The following PIK3CB variants were observed in gnomAD, a reference collection of about 807,000 sequenced individuals.
The protein encoded by PIK3CB is phosphatidylinositol 4,5-bisphosphate 3-kinase catalytic subunit beta isoform.
A neutral mutation model predicts 136.8 loss-of-function variants in PIK3CB; 39 were observed. That is an observed-to-expected ratio of 0.29 (90% CI 0.22 to 0.37). The LOEUF is 0.37. PIK3CB is among the 10% of genes least tolerant of loss of function. PIK3CB has a pLI of 1.00. For missense variants in PIK3CB, 868 were observed against 1,275.4 expected (o/e 0.68, Z 4.87); for synonymous variants, 428 against 436.6 (o/e 0.98, Z 0.25).
intron 6 of PIK3CB, among the ~76,000 whole-genome samples, chr3:138,735,676 T>G (rs1450121231): frequency 6.6e-6 from 1 of 152,090 alleles, no homozygotes; most frequent in African/African-American, 2.4e-5. Flanking sequence ...CAGAGGCATA[T>G]AAGAAAAGGG....
chr3:138,669,866 G>A (rs753394302), intron 19 of PIK3CB, among the ~76,000 whole-genome samples: 1 of 151,802 alleles, frequency 6.6e-6, no homozygotes, highest in Non-Finnish European at 1.5e-5. Context: ...TAAACAGCTG[G>A]CCGAAAGAAA....
chr3:138,667,795 G>A lies in PIK3CB; in HGVS notation c.2505-2592C>T, dbSNP rs949415900. On this transcript the variant is annotated intron_variant, in intron 19 of 23. Transcript: ENST00000674063. ...TTAAAAGCACTTTTCATCCGGGCAC[G>A]GTGGCTCATGCCTGTAATCCCAGCA... 4.0e-5 allele frequency among the ~76,000 whole-genome samples: 6 copies of A among 151,788 alleles called. No individual in the cohort carries two copies. In the East Asian group the frequency reaches 5.9e-4, roughly 15 times the overall value.
In PIK3CB at chr3:138,653,365, G is replaced by C. The variant is rs2043146252; in HGVS notation, c.*2024C>G. ...TGGTCACGTTACTTAACCCTTCAAA[G>C]AAAACAGGAAAGATACAATTTGGTG... is the stretch of plus-strand genomic sequence containing the variant. On this transcript the variant is annotated 3_prime_UTR_variant, in exon 24 of 24. Transcript: ENST00000674063. 5.7e-6 allele frequency: 1 copy of C among 174,730 alleles called. No homozygotes were observed. Among genetic ancestry groups the C allele is most frequent in the South Asian group, 2.0e-4 (1 of 5,002 alleles). 10.8% of individuals were successfully genotyped at this position (174,730 alleles called of 1,614,324 possible).
intron 16 of PIK3CB, among the ~76,000 whole-genome samples, chr3:138,685,895 G>A (rs1401137633): frequency 6.6e-6 from 1 of 152,164 alleles, no homozygotes; most frequent in African/African-American, 2.4e-5. Flanking sequence ...CCAGCACTTT[G>A]GGAAACTGAG....
Position 138,688,442 on chromosome 3 carries a change from A to G in PIK3CB, c.2136+433T>C, listed in dbSNP as rs140490545. Among the ~76,000 whole-genome samples, 1,280 of 138,130 alleles carry G rather than the reference A, an allele frequency of 9.3e-3. 28 individuals are homozygous for G. The highest frequency in any genetic ancestry group is 0.031 in the African/African-American group (1,153 of 37,122). 90.6% of individuals were successfully genotyped at this position (138,130 alleles called of 152,430 possible). ...CTTGAACCCGGGAGGCGGAGGTCGC[A>G]GTGAGCCAAGATAGTGCCATTGCAC... On this transcript the variant is annotated intron_variant, in intron 16 of 23. Transcript: ENST00000674063.
intron 3 of PIK3CB, among the ~76,000 whole-genome samples, chr3:138,758,209 A>G (rs1369068403): frequency 6.6e-6 from 1 of 152,244 alleles, no homozygotes; most frequent in Non-Finnish European, 1.5e-5. Flanking sequence ...AAGAATAGGC[A>G]AACTGGTAGA....
At chr3:138,782,522 A>G (rs1278488695) in intron 2 of PIK3CB, among the ~76,000 whole-genome samples, 2 of 152,222 alleles carry the variant, frequency 1.3e-5, no homozygotes, top group Non-Finnish European at 2.9e-5. Context: ...TCACTATGGC[A>G]GAGACTAATT....
chr3:138,732,167 T>C (rs1460630076), intron 8 of PIK3CB, among the ~76,000 whole-genome samples: 2 of 152,194 alleles, frequency 1.3e-5, no homozygotes, highest in Non-Finnish European at 2.9e-5. Context: ...CACACACACT[T>C]TTCTTTTCTG....
chr3:138,757,391 A>G (rs1209725158), intron 3 of PIK3CB, among the ~76,000 whole-genome samples: 1 of 151,788 alleles, frequency 6.6e-6, no homozygotes, highest in African/African-American at 2.4e-5. Context: ...CGACAGAGCG[A>G]GACTCCGTCT....
intron 22 of PIK3CB, 42 bp downstream of exon 22, chr3:138,657,648 A>AATGTTAGAAGTGTTC: frequency 6.4e-7 from 1 of 1,566,482 alleles, no homozygotes; most frequent in Non-Finnish European, 8.7e-7. Context: ...CAGATAAGAA[A>AATGTTAGAAGTGTTC]ATGTTAGAAG....
chr3:138,733,425 T>C lies in PIK3CB; in HGVS notation c.986A>G (p.Asn329Ser). 6.6e-7 allele frequency: 1 copy of C among 1,526,644 alleles called. No individual in the cohort carries two copies. The highest frequency in any genetic ancestry group is 9.1e-7 in the Non-Finnish European group (1 of 1,103,762). 94.6% of individuals were successfully genotyped at this position (1,526,644 alleles called of 1,614,324 possible). A position where few individuals can be genotyped will look rare whatever the true frequency, so the allele number is the denominator to read the frequency against. ...KTRIISHVWE[N>S]NNPFQIVLVK... is the part of the protein sequence containing the mutation. The stretch of plus-strand genomic sequence containing the variant: ...CAAGACAATTTGGAAAGGGTTGTTA[T>C]TTTCCCAAACATGCTGTAAAAGAAT... The change falls in exon 8 of 24, where the codon AAT becomes AGT. Residue 329 changes from asparagine (N) to serine (S), a missense_variant. By Grantham distance (46) the Asn-to-Ser change is conservative (BLOSUM62 1). Transcript: ENST00000674063.
chr3:138,811,419 G>T (rs961769874), intron 1 of PIK3CB, among the ~76,000 whole-genome samples: 2 of 151,118 alleles, frequency 1.3e-5, no homozygotes, highest in East Asian at 3.9e-4. Context: ...CTATTGATAT[G>T]CAAGAAAATT....
rs1933818922 is a variant in PIK3CB, at chr3:138,827,206, G to C, written c.-122+7489C>G. Among the ~76,000 whole-genome samples the C allele has an allele frequency of 2.6e-5, 4 of 152,176 alleles. No individual in the cohort carries two copies. In the South Asian group the frequency reaches 8.3e-4, roughly 31 times the overall value. Reference sequence around the variant, plus strand: ...TCAAGGCCTCAAAAGGACAAAACAAGGTGGTTTTGTTTGGTTCCTTATTTT... The same window carrying C: ...TCAAGGCCTCAAAAGGACAAAACAACGTGGTTTTGTTTGGTTCCTTATTTT... On this transcript the variant is annotated intron_variant, in intron 1 of 23. Coordinates refer to ENST00000674063, the MANE Select transcript of PIK3CB (RefSeq NM_006219.3).
At position 138,705,341 on chromosome 3, in the gene PIK3CB, T is replaced by C. The variant is rs182783641; in HGVS notation, c.1531-848A>G. ...GTCACAGCTAAAACTATTAAATATATCACGAGTAGCTATGGCTTATGGATA... is the reference window on the plus strand; with the variant it reads ...GTCACAGCTAAAACTATTAAATATACCACGAGTAGCTATGGCTTATGGATA... On this transcript the variant is annotated intron_variant, in intron 11 of 23. Coordinates refer to ENST00000674063, the MANE Select transcript of PIK3CB (RefSeq NM_006219.3). Among the ~76,000 whole-genome samples the C allele has an allele frequency of 1.3e-4, 20 of 152,078 alleles. No homozygotes were observed. In the East Asian group the frequency reaches 2.5e-3, roughly 19 times the overall value.
At chr3:138,749,672 T>C (rs1025571838) in intron 4 of PIK3CB, among the ~76,000 whole-genome samples, 2 of 152,170 alleles carry the variant, frequency 1.3e-5, no homozygotes, top group Non-Finnish European at 2.9e-5. Flanking sequence ...CATGTGCCAT[T>C]TCTTTTTGTT....
intron 2 of PIK3CB, among the ~76,000 whole-genome samples, chr3:138,790,938 G>A (rs1180660315): frequency 6.6e-6 from 1 of 151,632 alleles, no homozygotes. Context: ...ACTCCAGCCT[G>A]GGCAACAGAG....
chr3:138,824,856 T>C (rs1322758108), intron 1 of PIK3CB, among the ~76,000 whole-genome samples: 2 of 134,748 alleles, frequency 1.5e-5, no homozygotes, highest in South Asian at 2.3e-4. Context: ...GAGACCAGCC[T>C]GGGCAACATG....
intron 22 of PIK3CB, chr3:138,657,235 T>G (rs1050445849): frequency 6.4e-6 from 1 of 155,782 alleles, no homozygotes; most frequent in African/African-American, 2.4e-5. Flanking sequence ...CTTAATTTCA[T>G]ATTTTTGTCC....
chr3:138,661,777 A>C (rs763230671), intron 21 of PIK3CB, among the ~76,000 whole-genome samples: 6 of 152,236 alleles, frequency 3.9e-5, no homozygotes, highest in Non-Finnish European at 8.8e-5. Flanking sequence ...TCATAGAACC[A>C]AAGTTCACAC....
Sources: gnomAD v4.1 joint callset for allele counts (sites outside exome capture counted in the v4.1 genomes callset) on GRCh38, gnomAD v4.1.1 for gene constraint, MANE v1.5 for transcripts, NCBI Gene and HGNC (gene_info 2026-07-23, HGNC 2026-07-21) for gene names.